Variants in ERG observed in about 807,000 individuals in gnomAD.
The protein encoded by ERG is transcriptional regulator ERG.
In ERG, 9 loss-of-function variants were observed where a neutral mutation model predicts 55.3. That is an observed-to-expected ratio of 0.16 (90% CI 0.10 to 0.28). The LOEUF (loss-of-function observed/expected upper bound fraction) is 0.28, where lower values mean the gene tolerates loss of function less well. Among genes scored for constraint, ERG ranks in the 10% least tolerant of loss-of-function variants. The pLI is 1.00. For synonymous variants in ERG, 223 were observed against 237.3 expected (o/e 0.94, Z 0.55); for missense variants, 434 against 631.6 (o/e 0.69, Z 3.35).
At chr21:38,368,622 C>T in the ERG span, among the ~76,000 whole-genome samples, 2 of 152,118 alleles carry the variant, frequency 1.3e-5, no homozygotes, top group South Asian at 4.1e-4. Context: ...TTTTTATTAA[C>T]TTTAATTTTG....
chr21:38,470,441 T>C (rs2059129433), intron 1 of ERG, among the ~76,000 whole-genome samples: 1 of 152,208 alleles, frequency 6.6e-6, no homozygotes, highest in African/African-American at 2.4e-5. Flanking sequence ...GTAAGATTTT[T>C]CTCTTTTCAA....
intron 1 of ERG, among the ~76,000 whole-genome samples, chr21:38,607,483 T>C (rs927580570): frequency 1.3e-5 from 2 of 151,876 alleles, no homozygotes; most frequent in African/African-American, 4.8e-5. Context: ...ATACAAAAAA[T>C]TAGCCGGGCA....
intron 1 of ERG, among the ~76,000 whole-genome samples, chr21:38,616,568 A>G (rs1022173323): frequency 6.6e-6 from 1 of 152,020 alleles, no homozygotes; most frequent in Non-Finnish European, 1.5e-5. Flanking sequence ...GCACTATTCC[A>G]GGTATAAGAT....
chr21:38,556,082 A>G (rs975500987), intron 2 of ERG, among the ~76,000 whole-genome samples: 1 of 152,198 alleles, frequency 6.6e-6, no homozygotes, highest in Non-Finnish European at 1.5e-5. Context: ...TAGAATATAC[A>G]TAGGATGAAA....
intron 2 of ERG, among the ~76,000 whole-genome samples, chr21:38,551,766 G>C (rs959046235): frequency 5.3e-5 from 8 of 152,142 alleles, no homozygotes; most frequent in Admixed American, 5.2e-4. Flanking sequence ...CAAGTGCGTA[G>C]TCAATTTTGA....
the ERG span, among the ~76,000 whole-genome samples, chr21:38,374,239 G>C: frequency 6.6e-6 from 1 of 152,202 alleles, no homozygotes; most frequent in South Asian, 2.1e-4. Context: ...GATGAATAAT[G>C]TACACTGACA....
At position 38,381,585 on chromosome 21, in the gene ERG, T is replaced by G. The variant is rs951636576; in HGVS notation, c.*1818A>C. 1.3e-5 allele frequency: 14 copies of G among 1,063,108 alleles called. No homozygotes were observed. Among genetic ancestry groups the G allele is most frequent in the Non-Finnish European group, 1.6e-5 (14 of 878,002 alleles). The allele number at this position is 1,063,108 out of a possible 1,614,324, so 65.9% of individuals were successfully genotyped here. On this transcript the variant is annotated 3_prime_UTR_variant, in exon 10 of 10. Transcript: ENST00000288319. ...CCCTTGTTTCTGTAAAGTGAGAAAT[T>G]GCAGCTATCCATGACGCTTTATTTG...
chr21:38,468,474 T>A (rs1017943663), intron 1 of ERG, among the ~76,000 whole-genome samples: 1 of 152,122 alleles, frequency 6.6e-6, no homozygotes, highest in Non-Finnish European at 1.5e-5. Flanking sequence ...ATCCTAAAGA[T>A]TTTTTTCCTT....
At chr21:38,646,560 C>T (rs2836590) in intron 1 of ERG, among the ~76,000 whole-genome samples, 9,414 of 152,164 alleles carry the variant, frequency 0.062, 928 homozygotes, top group African/African-American at 0.21. Context: ...TTCAGTATCA[C>T]TGGGTCATTT....
chr21:38,470,812 T>C (rs2059132472), intron 1 of ERG: 1 of 152,204 alleles, frequency 6.6e-6, no homozygotes, highest in Admixed American at 6.5e-5. Flanking sequence ...CATACAGAAG[T>C]AGAAGATTTA....
chr21:38,429,622 CAT>C lies in ERG; in HGVS notation c.237-6063_237-6062del, dbSNP rs1186550080. On this transcript the variant is annotated intron_variant, in intron 2 of 9. Transcript: ENST00000288319. ...ACATGTATACACATGTACATATATA[CAT>C]ATGTGTATATATACATGTATACACA... Among the ~76,000 whole-genome samples, 3 of 142,110 alleles carry C rather than the reference CAT, an allele frequency of 2.1e-5. 1 individual carries two copies. Among genetic ancestry groups the C allele is most frequent in the Non-Finnish European group, 4.6e-5 (3 of 65,050 alleles). The allele number at this position is 142,110 out of a possible 152,430, so 93.2% of individuals were successfully genotyped here. A position where few individuals can be genotyped will look rare whatever the true frequency, so the allele number is the denominator to read the frequency against.
intron 3 of ERG, among the ~76,000 whole-genome samples, chr21:38,421,171 G>A (rs756660121): frequency 1.2e-4 from 18 of 152,188 alleles, no homozygotes; most frequent in Non-Finnish European, 2.2e-4. Flanking sequence ...AGCAGCAAGT[G>A]AGGCAGTCTC....
At chr21:38,429,135 T>C (rs1989983565) in intron 2 of ERG, among the ~76,000 whole-genome samples, 1 of 152,114 alleles carries the variant, frequency 6.6e-6, no homozygotes, top group Non-Finnish European at 1.5e-5. Context: ...GAACACACAA[T>C]ATTTGGTTTT....
intron 1 of ERG, among the ~76,000 whole-genome samples, chr21:38,472,568 A>G (rs896190671): frequency 6.6e-6 from 1 of 152,240 alleles, no homozygotes; most frequent in Non-Finnish European, 1.5e-5. Flanking sequence ...TGAGGCTCCC[A>G]CGTGAGGTGG....
upstream of ERG, among the ~76,000 whole-genome samples, chr21:38,588,951 G>A (rs914537783): frequency 6.6e-6 from 1 of 151,988 alleles, no homozygotes; most frequent in Non-Finnish European, 1.5e-5. Flanking sequence ...GGCCAATCTC[G>A]AACTCCTGGC....
At chr21:38,388,896 A>G (rs114440906) in intron 9 of ERG, among the ~76,000 whole-genome samples, 1,707 of 152,322 alleles carry the variant, frequency 0.011, 41 homozygotes, top group African/African-American at 0.039. Context: ...CACTTTGCTT[A>G]GGAGCAAGTG....
At chr21:38,567,025 C>T (rs987330566) in intron 2 of ERG, among the ~76,000 whole-genome samples, 2 of 152,212 alleles carry the variant, frequency 1.3e-5, no homozygotes, top group African/African-American at 4.8e-5. Flanking sequence ...AGTTGGTGCC[C>T]CCTACTGAAT....
intron 5 of ERG, among the ~76,000 whole-genome samples, chr21:38,401,042 C>G (rs1988464694): frequency 6.6e-6 from 1 of 152,184 alleles, no homozygotes; most frequent in Non-Finnish European, 1.5e-5. Context: ...AAAGTAGTAT[C>G]AAGCAATTAT....
At chr21:38,392,326 A>T (rs2146430989) in intron 7 of ERG, 50 bp downstream of exon 7, 1 of 1,415,390 alleles carries the variant, frequency 7.1e-7, no homozygotes, top group Non-Finnish European at 9.8e-7. Context: ...ATCAACAGTC[A>T]TCCACTGCCT....
Sources: gnomAD v4.1 joint callset for allele counts (sites outside exome capture counted in the v4.1 genomes callset) on GRCh38, gnomAD v4.1.1 for gene constraint, MANE v1.5 for transcripts, NCBI Gene and HGNC (gene_info 2026-07-23, HGNC 2026-07-21) for gene names.